Variants in MAP7 observed in about 807,000 individuals in gnomAD.
MAP7 encodes microtubule associated protein 7.
Under a neutral mutation model 94.8 loss-of-function variants are expected in MAP7, and 52 were observed. The observed-to-expected ratio is 0.55, with a 90% CI of 0.44 to 0.69. The LOEUF (loss-of-function observed/expected upper bound fraction) is 0.69, where lower values mean the gene tolerates loss of function less well. Among genes scored for constraint, MAP7 ranks in the 30% least tolerant of loss-of-function variants. MAP7 has a pLI of 0.00. For missense variants in MAP7, 940 were observed against 964.6 expected (o/e 0.97, Z 0.34); for synonymous variants, 350 against 357.0 (o/e 0.98, Z 0.22).
intron 1 of MAP7, among the ~76,000 whole-genome samples, chr6:136,544,170 C>T (rs2129061464): frequency 6.6e-6 from 1 of 152,342 alleles, no homozygotes; most frequent in African/African-American, 2.4e-5. Context: ...GATCTGCCCG[C>T]CTTGGTCTCC....
chr6:136,408,016 T>C (rs886927899), intron 3 of MAP7, among the ~76,000 whole-genome samples: 7 of 152,154 alleles, frequency 4.6e-5, no homozygotes, highest in Non-Finnish European at 1.0e-4. Flanking sequence ...AGGCATCTAC[T>C]GCCTTCCGAG....
At position 136,362,640 on chromosome 6, in the gene MAP7, C is replaced by A; in HGVS notation, c.1336G>T (p.Ala446Ser). 6.2e-7 allele frequency: 1 copy of A among 1,608,880 alleles called. No individual in the cohort carries two copies. The highest frequency in any genetic ancestry group is 8.5e-7 in the Non-Finnish European group (1 of 1,177,942). ...ACCATGGCTGGGGTGGGGACCGGGGCTGGAGCTGGGGCCGAGGCTGGAGCT... is the reference window on the plus strand; with the variant it reads ...ACCATGGCTGGGGTGGGGACCGGGGATGGAGCTGGGGCCGAGGCTGGAGCT... Reference protein sequence around the residue: ...APAPASAPAPAPVPTPAMVSA... With the variant: ...APAPASAPAPSPVPTPAMVSA... Residue 446 changes from alanine (A) to serine (S), a missense_variant, in exon 11 of 18, where the codon GCC (alanine) becomes TCC (serine). By Grantham distance (99) the Ala-to-Ser change is moderately conservative. Transcript: ENST00000354570.
intron 1 of MAP7, among the ~76,000 whole-genome samples, chr6:136,449,005 A>AT (rs1232335231): frequency 2.2e-4 from 15 of 69,364 alleles, no homozygotes; most frequent in African/African-American, 7.8e-4. Context: ...GTGGTGTTAA[A>AT]AAAAAAAAAA....
At chr6:136,526,051 G>A in intron 1 of MAP7, 1 of 1,444,064 alleles carries the variant, frequency 6.9e-7, no homozygotes, top group Non-Finnish European at 9.0e-7. Flanking sequence ...GAAGCTGCTA[G>A]TTCCTAAGCT....
chr6:136,458,894 A>C (rs1489629994), intron 1 of MAP7, among the ~76,000 whole-genome samples: 1 of 152,114 alleles, frequency 6.6e-6, no homozygotes, highest in East Asian at 1.9e-4. Context: ...TAAAAGCATA[A>C]ATAGACCACT....
intron 1 of MAP7, among the ~76,000 whole-genome samples, chr6:136,487,268 A>G (rs1751230132): frequency 1.3e-5 from 2 of 152,372 alleles, no homozygotes; most frequent in East Asian, 3.9e-4. Flanking sequence ...TTGTAAAATC[A>G]TATATGTAAT....
At chr6:136,515,055 T>A (rs567195872) in intron 1 of MAP7, among the ~76,000 whole-genome samples, 1 of 152,374 alleles carries the variant, frequency 6.6e-6, no homozygotes, top group African/African-American at 2.4e-5. Context: ...ACCTTCATCA[T>A]TACCTTAGCA....
At chr6:136,525,023 C>A (rs1827436210) in intron 1 of MAP7, among the ~76,000 whole-genome samples, 1 of 152,206 alleles carries the variant, frequency 6.6e-6, no homozygotes, top group South Asian at 2.1e-4. Flanking sequence ...CCTTAAAGCT[C>A]CTTTTTCAAA....
chr6:136,545,950 A>T (rs866350979), intron 1 of MAP7, among the ~76,000 whole-genome samples: 1 of 152,316 alleles, frequency 6.6e-6, no homozygotes. Context: ...AAGTACAATT[A>T]AGTTATTGAC....
At chr6:136,396,520 C>T (rs1782545594) in intron 3 of MAP7, among the ~76,000 whole-genome samples, 1 of 152,144 alleles carries the variant, frequency 6.6e-6, no homozygotes, top group Non-Finnish European at 1.5e-5. Context: ...TTTACTTCCT[C>T]CTTTCCAATT....
intron 1 of MAP7, among the ~76,000 whole-genome samples, chr6:136,468,192 C>A (rs1478751314): frequency 6.6e-6 from 1 of 151,728 alleles, no homozygotes; most frequent in Non-Finnish European, 1.5e-5. Flanking sequence ...GTACTACTGA[C>A]TTTTTTTTTC....
chr6:136,370,624 G>T (rs1282909116), intron 8 of MAP7, among the ~76,000 whole-genome samples: 2 of 152,164 alleles, frequency 1.3e-5, no homozygotes, highest in Non-Finnish European at 1.5e-5. Context: ...AATGAACCTT[G>T]AGGACATTAT....
chr6:136,513,239 T>C (rs148771017), intron 1 of MAP7, among the ~76,000 whole-genome samples: 1 of 152,380 alleles, frequency 6.6e-6, no homozygotes, highest in African/African-American at 2.4e-5. Flanking sequence ...TGTTGTGTGA[T>C]AGCATTTCAT....
At chr6:136,386,528 G>A (rs1302376304) in intron 5 of MAP7, among the ~76,000 whole-genome samples, 1 of 152,104 alleles carries the variant, frequency 6.6e-6, no homozygotes, top group Non-Finnish European at 1.5e-5. Context: ...TGATCTAACA[G>A]TGTATATCTG....
chr6:136,486,137 G>C (rs1266344243), intron 1 of MAP7, among the ~76,000 whole-genome samples: 1 of 152,146 alleles, frequency 6.6e-6, no homozygotes, highest in African/African-American at 2.4e-5. Flanking sequence ...GGAAGAACTA[G>C]AGCAGCTATC....
intron 1 of MAP7, among the ~76,000 whole-genome samples, chr6:136,484,812 GT>G (rs1814091917): frequency 6.6e-6 from 1 of 152,150 alleles, no homozygotes; most frequent in South Asian, 2.1e-4. Context: ...TGATCCTCCT[GT>G]TTCAGCCTCC....
intron 3 of MAP7, among the ~76,000 whole-genome samples, chr6:136,394,640 C>A (rs969393910): frequency 6.6e-6 from 1 of 151,424 alleles, no homozygotes; most frequent in African/African-American, 2.4e-5. Flanking sequence ...AACAGTCATC[C>A]TATTGTGCTA....
intron 3 of MAP7, among the ~76,000 whole-genome samples, chr6:136,392,187 C>T (rs1050132019): frequency 6.6e-6 from 1 of 152,142 alleles, no homozygotes; most frequent in Non-Finnish European, 1.5e-5. Flanking sequence ...AGGTGATCCT[C>T]CCATCTCAGC....
chr6:136,384,957 TTTA>T (rs1284004292), intron 5 of MAP7, among the ~76,000 whole-genome samples: 1 of 152,210 alleles, frequency 6.6e-6, no homozygotes, highest in Non-Finnish European at 1.5e-5. Context: ...TTATTCCTAA[TTTA>T]TCCAGGAGGC....
Sources: allele counts gnomAD v4.1 joint callset (sites outside exome capture counted in the v4.1 genomes callset), GRCh38; gene constraint gnomAD v4.1.1; transcripts MANE v1.5; gene names NCBI Gene and HGNC (gene_info 2026-07-23, HGNC 2026-07-21).